The following GRIK4 variants were observed in gnomAD, a reference collection of about 807,000 sequenced individuals.
GRIK4 encodes glutamate ionotropic receptor kainate type subunit 4.
GRIK4 carries 40 observed loss-of-function variants against 104.9 expected under a neutral mutation model. That is an observed-to-expected ratio of 0.38 (90% confidence interval 0.30 to 0.50). The LOEUF (loss-of-function observed/expected upper bound fraction) is 0.50. Ranked by LOEUF, GRIK4 falls within the 20% of genes least tolerant of loss-of-function variation. The pLI is 0.93. For synonymous variants in GRIK4, 485 were observed against 524.9 expected (o/e 0.92, Z 1.04); for missense variants, 1,047 against 1,308.1 (o/e 0.80, Z 3.08).
intron 1 of GRIK4, among the ~76,000 whole-genome samples, chr11:120,570,437 A>T (rs1029400340): frequency 6.6e-6 from 1 of 152,064 alleles, no homozygotes; most frequent in African/African-American, 2.4e-5. Context: ...TATCGATTGC[A>T]TACATTATCA....
chr11:120,728,272 G>A (rs1314964452), intron 3 of GRIK4, among the ~76,000 whole-genome samples: 1 of 152,014 alleles, frequency 6.6e-6, no homozygotes, highest in Non-Finnish European at 1.5e-5. Context: ...CATATTAAAG[G>A]TATTCAAAAA....
chr11:120,964,136 C>T (rs1022218206), intron 18 of GRIK4, among the ~76,000 whole-genome samples: 16 of 151,992 alleles, frequency 1.1e-4, no homozygotes, highest in Admixed American at 5.9e-4. Flanking sequence ...GGACTACAGA[C>T]GTGCACTACC....
intron 4 of GRIK4, among the ~76,000 whole-genome samples, chr11:120,807,174 G>T (rs553310508): frequency 6.6e-6 from 1 of 152,036 alleles, no homozygotes; most frequent in South Asian, 2.1e-4. Context: ...TCCCTTCCGT[G>T]TCTTACCTGA....
chr11:120,822,211 C>CAAAAA (rs34732807), intron 6 of GRIK4, among the ~76,000 whole-genome samples: 2 of 71,658 alleles, frequency 2.8e-5, no homozygotes, highest in Middle Eastern at 8.9e-3. Context: ...AACCCTATCT[C>CAAAAA]AAAAAAAAAA....
Position 120,957,512 on chromosome 11 carries a change from A to C in GRIK4, c.1874+559A>C, listed in dbSNP as rs1944183141. On this transcript the variant is annotated intron_variant, in intron 16 of 20. Transcript: ENST00000527524. ...TTCAATGTGTGGGAAAGCTCTTTGA[A>C]AACTTGAAAGTGCTACATAAACATA... 3.9e-5 allele frequency among the ~76,000 whole-genome samples: 6 copies of C among 152,172 alleles called. No homozygotes were observed. The South Asian group carries it at 1.2e-3, about 32-fold the overall frequency.
At chr11:120,558,358 T>C (rs1159303436) in intron 1 of GRIK4, among the ~76,000 whole-genome samples, 1 of 152,066 alleles carries the variant, frequency 6.6e-6, no homozygotes, top group Non-Finnish European at 1.5e-5. Flanking sequence ...GAGGCCGAGG[T>C]GGGCGGATCA....
chr11:120,945,444 G>T (rs552611498), intron 14 of GRIK4, among the ~76,000 whole-genome samples: 1 of 152,288 alleles, frequency 6.6e-6, no homozygotes, highest in Admixed American at 6.5e-5. Flanking sequence ...ACGATTTTTG[G>T]TATGGAAAAT....
At chr11:120,933,087 C>A (rs1452867768) in intron 13 of GRIK4, among the ~76,000 whole-genome samples, 1 of 152,308 alleles carries the variant, frequency 6.6e-6, no homozygotes, top group East Asian at 1.9e-4. Context: ...AAGGACTGGA[C>A]AGCATGAGGT....
intron 1 of GRIK4, among the ~76,000 whole-genome samples, chr11:120,647,192 C>T (rs1949556150): frequency 1.3e-5 from 2 of 152,178 alleles, no homozygotes; most frequent in Admixed American, 6.5e-5. Flanking sequence ...ACGCTCCTAC[C>T]CAACGCATAG....
rs989974238 is a variant in GRIK4 at position 120,555,269 on chromosome 11, C to G, written c.-159+43382C>G. Among the ~76,000 whole-genome samples, 1 of 152,206 alleles carries G rather than the reference C, an allele frequency of 6.6e-6. No individual in the cohort carries two copies. Among genetic ancestry groups the G allele is most frequent in the African/African-American group, 2.4e-5 (1 of 41,458 alleles). On this transcript the variant is annotated intron_variant, in intron 1 of 20. Transcript: ENST00000527524. The surrounding 1 kb of genome is among the most constrained non-coding windows in gnomAD (Gnocchi z 5.3). Reference sequence around the variant, plus strand: ...AAAGCAAAACCCAGCAAGTGGCTTCCTGTTTATGCATTAGGTCTGGGAGCT... The same window carrying G: ...AAAGCAAAACCCAGCAAGTGGCTTCGTGTTTATGCATTAGGTCTGGGAGCT...
chr11:120,898,441 C>G (rs1016766087), intron 11 of GRIK4, 91 bp from the exon 12 acceptor site: 2 of 736,620 alleles, frequency 2.7e-6, no homozygotes, highest in East Asian at 2.6e-5. Context: ...TGCTCACATG[C>G]AGCCCAGCCA....
At chr11:120,884,751 C>T (rs1955070474) in intron 11 of GRIK4, among the ~76,000 whole-genome samples, 1 of 152,256 alleles carries the variant, frequency 6.6e-6, no homozygotes, top group Admixed American at 6.5e-5. Context: ...GCTGCCGACA[C>T]CCTCAAAACT....
chr11:120,635,261 A>G (rs1949384024), intron 1 of GRIK4, among the ~76,000 whole-genome samples: 2 of 152,234 alleles, frequency 1.3e-5, no homozygotes, highest in East Asian at 1.9e-4. Context: ...TAATTCTTGG[A>G]AACATGCTGC....
intron 3 of GRIK4, among the ~76,000 whole-genome samples, chr11:120,727,604 T>C (rs1951053684): frequency 1.3e-5 from 2 of 152,062 alleles, no homozygotes; most frequent in South Asian, 4.1e-4. Flanking sequence ...CAGAAACTCA[T>C]GCTCAGAAAA....
At chr11:120,970,667 C>T (rs1050615564) in intron 19 of GRIK4, among the ~76,000 whole-genome samples, 28 of 152,220 alleles carry the variant, frequency 1.8e-4, no homozygotes, top group African/African-American at 5.8e-4. Flanking sequence ...TCCAGGATCT[C>T]GGTGCCTTGC....
At chr11:120,582,877 C>T (rs766196634) in intron 1 of GRIK4, among the ~76,000 whole-genome samples, 3 of 152,054 alleles carry the variant, frequency 2.0e-5, no homozygotes, top group African/African-American at 7.2e-5. Flanking sequence ...GGTATATACC[C>T]AATAATGGGA....
intron 3 of GRIK4, among the ~76,000 whole-genome samples, chr11:120,760,484 A>C (rs1439803203): frequency 6.6e-6 from 1 of 151,444 alleles, no homozygotes; most frequent in Admixed American, 6.6e-5. Flanking sequence ...TCTGGGATAC[A>C]TGTGCAGAAC....
rs1367703135 is a variant in GRIK4, at chr11:120,831,995, G to A, written c.655G>A (p.Ala219Thr). The change falls in exon 7 of 21, where the codon GCC becomes ACC. Residue 219 changes from alanine (A) to threonine (T), a missense_variant. Around this residue, in one of 3 missense-constraint regions of GRIK4, gnomAD observed 447 missense variants for 514.9 expected, o/e 0.87. Transcript: ENST00000527524. ...DDKTATIIIH[A>T]NASMSHTILL... ...CAAGACCGCCACCATCATCATCCAC[G>A]CCAACGCCTCCATGTCCCACACCAT... 16 of 1,613,388 alleles carry A rather than the reference G, an allele frequency of 9.9e-6. No individual in the cohort carries two copies. The highest frequency in any genetic ancestry group is 2.2e-5 in the South Asian group (2 of 91,012).
rs1944020920 is a variant in GRIK4, at chr11:120,952,333, T to C, written c.1591-522T>C. ...TTCACTTGTAAAATGAGAATAATAA[T>C]TTGTGCCTCCCAGGACTGTTTTGAG... is the stretch of plus-strand genomic sequence containing the variant. On this transcript the variant is annotated intron_variant, in intron 14 of 20. Coordinates refer to ENST00000527524, the MANE Select transcript of GRIK4 (RefSeq NM_014619.5). The surrounding 1 kb of genome is among the most constrained non-coding windows in gnomAD (Gnocchi z 5.2). Among the ~76,000 whole-genome samples, 1 of 152,094 alleles carries C rather than the reference T, an allele frequency of 6.6e-6. No homozygotes were observed. Among genetic ancestry groups the C allele is most frequent in the Non-Finnish European group, 1.5e-5 (1 of 68,006 alleles).
Sources: allele counts gnomAD v4.1 joint callset (sites outside exome capture counted in the v4.1 genomes callset), GRCh38; gene constraint gnomAD v4.1.1; regional missense constraint gnomAD v4.1.1; non-coding constraint Gnocchi (gnomAD v3.1); transcripts MANE v1.5; gene names NCBI Gene and HGNC (gene_info 2026-07-23, HGNC 2026-07-21).